Variants in PAX3 observed in about 807,000 individuals in gnomAD.
The protein encoded by PAX3 is paired box protein Pax-3.
A neutral mutation model predicts 51.6 loss-of-function variants in PAX3; 14 were observed. That is an observed-to-expected ratio of 0.27 (90% confidence interval 0.18 to 0.42). The LOEUF is 0.42. Among genes scored for constraint, PAX3 ranks in the 10% least tolerant of loss-of-function variants. The probability of loss-of-function intolerance (pLI) is 1.00; values close to 1 mark genes in which losing one functional copy is unlikely to be tolerated. For synonymous variants in PAX3, 280 were observed against 253.4 expected, an observed-to-expected ratio of 1.11 and a Z score of -1.00; for missense variants, 540 against 642.8, an observed-to-expected ratio of 0.84 and a Z score of 1.73.
chr2:222,256,994 C>T (rs1047782170), intron 4 of PAX3, among the ~76,000 whole-genome samples: 3 of 152,090 alleles, frequency 2.0e-5, no homozygotes, highest in Admixed American at 6.5e-5. Context: ...ATAATCAATA[C>T]GTAGGTAAAA....
At chr2:222,211,478 A>G (rs1691730836) in intron 7 of PAX3, among the ~76,000 whole-genome samples, 1 of 152,134 alleles carries the variant, frequency 6.6e-6, no homozygotes, top group Admixed American at 6.6e-5. Flanking sequence ...CATCCTAAAT[A>G]TTATTAGGTA....
At chr2:222,232,855 T>C (rs1692650027) in intron 4 of PAX3, 1 of 156,468 alleles carries the variant, frequency 6.4e-6, no homozygotes, top group African/African-American at 2.4e-5. Context: ...TATATATTTA[T>C]AGACTACTGC....
chr2:222,243,296 A>T (rs1693089905), intron 4 of PAX3, among the ~76,000 whole-genome samples: 1 of 152,262 alleles, frequency 6.6e-6, no homozygotes. Context: ...AATCCTTGAA[A>T]GGAGCCCTGA....
In PAX3 at chr2:222,295,536, A is replaced by C; in HGVS notation, c.443T>G (p.Val148Gly). Residue 148 changes from valine (V) to glycine (G), a missense_variant, in exon 3 of 9, where the codon GTG becomes GGG. Val to Gly is a moderately radical substitution (Grantham distance 109). Coordinates refer to ENST00000392070, the MANE Select transcript of PAX3 (RefSeq NM_181458.4). ...GTTAATGGGCCTAGTACCTGACGGC[A>C]CGGTGTTTCGATCACAGACCGCGTC... Reference protein sequence around the residue: ...LKDAVCDRNTVPSVSSISRIL... With the variant: ...LKDAVCDRNTGPSVSSISRIL... 1 of 1,614,236 alleles carries C rather than the reference A, an allele frequency of 6.2e-7. No homozygotes were observed. The highest frequency in any genetic ancestry group is 8.5e-7 in the Non-Finnish European group (1 of 1,180,040).
At chr2:222,268,250 C>G (rs1452449003) in intron 4 of PAX3, among the ~76,000 whole-genome samples, 1 of 152,190 alleles carries the variant, frequency 6.6e-6, no homozygotes, top group African/African-American at 2.4e-5. Context: ...TATGTGCGTG[C>G]CTGGGTTCCT....
intron 7 of PAX3, among the ~76,000 whole-genome samples, chr2:222,203,743 C>T (rs1349866061): frequency 6.6e-6 from 1 of 152,084 alleles, no homozygotes; most frequent in Non-Finnish European, 1.5e-5. Context: ...TTGCATAATC[C>T]TTATGATTAA....
chr2:222,249,789 T>C (rs1277246257), intron 4 of PAX3, among the ~76,000 whole-genome samples: 3 of 152,166 alleles, frequency 2.0e-5, no homozygotes, highest in Non-Finnish European at 2.9e-5. Flanking sequence ...GACACTTTCC[T>C]TCTATGTCTG....
At chr2:222,267,230 TAGA>T (rs1694084709) in intron 4 of PAX3, among the ~76,000 whole-genome samples, 1 of 152,090 alleles carries the variant, frequency 6.6e-6, no homozygotes, top group South Asian at 2.1e-4. Flanking sequence ...AAAAAGAGAC[TAGA>T]AGGACAAAAG....
chr2:222,201,453 A>T lies in PAX3; in HGVS notation c.1421-11T>A. On this transcript the variant is annotated splice_polypyrimidine_tract_variant and intron_variant, in intron 8 of 8. Transcript: ENST00000392070. ...GATAATGAAAGGCACCTGTAAGGAA[A>T]CACACGCAGCTTTTTAGGTCATGCT... 6.2e-7 allele frequency: 1 copy of T among 1,614,138 alleles called. No homozygotes were observed. The highest frequency in any genetic ancestry group is 2.2e-5 in the East Asian group (1 of 44,862).
chr2:222,278,036 A>G (rs1486804585), intron 4 of PAX3, among the ~76,000 whole-genome samples: 1 of 151,798 alleles, frequency 6.6e-6, no homozygotes, highest in Non-Finnish European at 1.5e-5. Context: ...GACCGAAGAC[A>G]ATTAGTCTTC....
chr2:222,231,110 G>A (rs1692577204), intron 5 of PAX3, among the ~76,000 whole-genome samples: 2 of 152,176 alleles, frequency 1.3e-5, no homozygotes, highest in African/African-American at 4.8e-5. Context: ...GCCTGGAAGA[G>A]GCTATTTCTG....
chr2:222,289,413 C>T (rs952023693), intron 4 of PAX3, among the ~76,000 whole-genome samples: 11 of 152,194 alleles, frequency 7.2e-5, no homozygotes, highest in African/African-American at 2.7e-4. Context: ...CACTCCTATT[C>T]ACGTGATCGA....
At chr2:222,228,195 G>T (rs1438967067) in intron 5 of PAX3, among the ~76,000 whole-genome samples, 1 of 152,108 alleles carries the variant, frequency 6.6e-6, no homozygotes, top group African/African-American at 2.4e-5. Context: ...TAGGGAATTT[G>T]TTAGGCTATA....
At chr2:222,276,062 A>G (rs1694409861) in intron 4 of PAX3, among the ~76,000 whole-genome samples, 1 of 152,198 alleles carries the variant, frequency 6.6e-6, no homozygotes, top group Non-Finnish European at 1.5e-5. Flanking sequence ...CTTTGTGGTC[A>G]GTAGCCAGAA....
chr2:222,260,941 G>C (rs770598019), intron 4 of PAX3, among the ~76,000 whole-genome samples: 3 of 152,072 alleles, frequency 2.0e-5, no homozygotes, highest in Non-Finnish European at 4.4e-5. Context: ...TAATCACCTA[G>C]AGTCACTTAG....
At chr2:222,208,744 C>T (rs1401538291) in intron 7 of PAX3, among the ~76,000 whole-genome samples, 1 of 152,136 alleles carries the variant, frequency 6.6e-6, no homozygotes. Flanking sequence ...ATCTTGGTTT[C>T]ATTTCATGAC....
Position 222,200,089 on chromosome 2 carries a change from C to G in PAX3, c.*1319G>C, listed in dbSNP as rs1248973481. ...CTCACTAACTCGCTACGTCATAGTT[C>G]TTAACTCTAAAAGGAATGTATTTGT... On this transcript the variant is annotated 3_prime_UTR_variant, in exon 9 of 9. Coordinates refer to ENST00000392070, the MANE Select transcript of PAX3 (RefSeq NM_181458.4). 4.8e-6 allele frequency: 1 copy of G among 210,256 alleles called. No individual in the cohort carries two copies. The highest frequency in any genetic ancestry group is 5.9e-5 in the Admixed American group (1 of 16,956). The allele number at this position is 210,256 out of a possible 1,614,324, so 13.0% of individuals were successfully genotyped here. A position where few individuals can be genotyped will look rare whatever the true frequency, so the allele number is the denominator to read the frequency against.
chr2:222,217,743 C>T (rs899828696), intron 7 of PAX3, among the ~76,000 whole-genome samples: 5 of 152,070 alleles, frequency 3.3e-5, no homozygotes, highest in Non-Finnish European at 4.4e-5. Flanking sequence ...ACAAGTAAAC[C>T]AGGGTGTTAG....
Position 222,221,242 on chromosome 2 carries a change from T to C in PAX3, c.938A>G (p.Gln313Arg), listed in dbSNP as rs970427164. The change falls in exon 6 of 9, where the codon CAG becomes CGG. Residue 313 changes from glutamine (Q) to arginine (R), a missense_variant. Gln to Arg is a conservative substitution (Grantham distance 43). Transcript: ENST00000392070. ...PTYQLSETSYQPTSIPQAVSD... is the reference protein window; with the variant it reads ...PTYQLSETSYRPTSIPQAVSD... The stretch of plus-strand genomic sequence containing the variant: ...GGTACCTTGTGGAATAGATGTGGGC[T>C]GGTAAGAGGTCTCCGACAGCTGGTA... The C allele has an allele frequency of 1.2e-6, 2 of 1,613,880 alleles. No individual in the cohort carries two copies. The highest frequency in any genetic ancestry group is 1.7e-5 in the Admixed American group (1 of 59,990).
Sources: allele counts gnomAD v4.1 joint callset (sites outside exome capture counted in the v4.1 genomes callset), GRCh38; gene constraint gnomAD v4.1.1; transcripts MANE v1.5; gene names NCBI Gene and HGNC (gene_info 2026-07-23, HGNC 2026-07-21).